The following RNF150 variants were observed in gnomAD, a reference collection of about 807,000 sequenced individuals.
RNF150 encodes the protein ring finger protein 150.
In RNF150, 24 loss-of-function variants were observed where a neutral mutation model predicts 39.3. The ratio of observed to expected loss-of-function variants is 0.61; its 90% CI spans 0.44 to 0.86. The LOEUF (loss-of-function observed/expected upper bound fraction) is 0.86, where lower values mean the gene tolerates loss of function less well. Among genes scored for constraint, RNF150 ranks in the 40% least tolerant of loss-of-function variants. The pLI, the probability that RNF150 is intolerant of heterozygous loss-of-function variation, is 0.00. For missense variants in RNF150, 502 were observed against 587.8 expected (o/e 0.85, Z 1.51); for synonymous variants, 255 against 227.3 (o/e 1.12, Z -1.10).
chr4:140,895,021 G>C (rs1729888960), intron 6 of RNF150, among the ~76,000 whole-genome samples: 2 of 152,070 alleles, frequency 1.3e-5, no homozygotes, highest in Non-Finnish European at 2.9e-5. Context: ...CTGCAAGCCT[G>C]GCAAAAAGAA....
chr4:141,008,849 CCTTCTT>C (rs139240206), intron 1 of RNF150, among the ~76,000 whole-genome samples: 1 of 151,880 alleles, frequency 6.6e-6, no homozygotes, highest in African/African-American at 2.4e-5. Context: ...TCTTCCTTCT[CCTTCTT>C]CTTCTTCTTC....
chr4:141,124,211 T>C (rs1252945600), intron 1 of RNF150, among the ~76,000 whole-genome samples: 1 of 152,244 alleles, frequency 6.6e-6, no homozygotes, highest in Non-Finnish European at 1.5e-5. Flanking sequence ...TGTCAGTAAA[T>C]TATTCTTACT....
chr4:140,914,909 T>C (rs1300767534), intron 5 of RNF150, among the ~76,000 whole-genome samples: 1 of 152,208 alleles, frequency 6.6e-6, no homozygotes, highest in African/African-American at 2.4e-5. Flanking sequence ...GATGTATTTG[T>C]CTTATACCAT....
At chr4:141,045,836 G>A (rs1047549863) in intron 1 of RNF150, among the ~76,000 whole-genome samples, 23 of 152,172 alleles carry the variant, frequency 1.5e-4, no homozygotes, top group African/African-American at 5.1e-4. Flanking sequence ...GAGCCACAGC[G>A]CCTGGCCTAG....
chr4:141,153,121 A>G (rs1727328239), intron 1 of RNF150, among the ~76,000 whole-genome samples: 1 of 152,142 alleles, frequency 6.6e-6, no homozygotes, highest in African/African-American at 2.4e-5. Context: ...AATTCTTTCA[A>G]GTGCTGGGAG....
intron 1 of RNF150, among the ~76,000 whole-genome samples, chr4:141,076,755 T>C (rs1332382412): frequency 6.6e-6 from 1 of 152,104 alleles, no homozygotes; most frequent in Non-Finnish European, 1.5e-5. Flanking sequence ...GCCTATACAA[T>C]GCAAATATTA....
chr4:141,166,972 G>C (rs546967070), intron 1 of RNF150, among the ~76,000 whole-genome samples: 1 of 152,006 alleles, frequency 6.6e-6, no homozygotes, highest in South Asian at 2.1e-4. Flanking sequence ...AGAAACAAAG[G>C]GTATTCAAAT....
intron 1 of RNF150, among the ~76,000 whole-genome samples, chr4:141,078,789 C>CAAAAAA (rs150748282): frequency 1.3e-4 from 8 of 63,858 alleles, no homozygotes; most frequent in African/African-American, 4.0e-4. Flanking sequence ...AACTCCGTCT[C>CAAAAAA]AAAAAAAAAA....
chr4:141,120,153 T>A (rs1367420487), intron 1 of RNF150, among the ~76,000 whole-genome samples: 1 of 152,200 alleles, frequency 6.6e-6, no homozygotes, highest in Non-Finnish European at 1.5e-5. Context: ...TATTCCCATG[T>A]GGGAGACAGA....
chr4:140,895,302 G>A (rs1383129835), intron 6 of RNF150, among the ~76,000 whole-genome samples: 1 of 152,090 alleles, frequency 6.6e-6, no homozygotes, highest in East Asian at 1.9e-4. Flanking sequence ...TTCTCTAAGG[G>A]GAAGCTGAAT....
intron 1 of RNF150, among the ~76,000 whole-genome samples, chr4:141,164,671 A>C (rs918698354): frequency 2.6e-5 from 4 of 152,208 alleles, no homozygotes; most frequent in Non-Finnish European, 5.9e-5. Context: ...TAAGAAAAGA[A>C]TTTTAAACCC....
intron 5 of RNF150, among the ~76,000 whole-genome samples, chr4:140,916,951 A>G (rs1159152723): frequency 6.6e-6 from 1 of 152,188 alleles, no homozygotes; most frequent in Non-Finnish European, 1.5e-5. Flanking sequence ...TAAGCTTCAT[A>G]AGTGAAGGAG....
At chr4:141,172,763 G>A (rs1727750665) in intron 1 of RNF150, among the ~76,000 whole-genome samples, 1 of 152,152 alleles carries the variant, frequency 6.6e-6, no homozygotes, top group African/African-American at 2.4e-5. Flanking sequence ...TGTGGCTCAT[G>A]CCTGTAATCC....
intron 6 of RNF150, among the ~76,000 whole-genome samples, chr4:140,886,190 CAA>C (rs1171164182): frequency 2.7e-5 from 2 of 73,360 alleles, no homozygotes; most frequent in Non-Finnish European, 2.6e-5. Context: ...GACTCCATCA[CAA>C]AAAAAAAAAA....
At chr4:140,900,827 T>TAC (rs1730163394) in intron 6 of RNF150, among the ~76,000 whole-genome samples, 1 of 152,072 alleles carries the variant, frequency 6.6e-6, no homozygotes, top group African/African-American at 2.4e-5. Context: ...ACTTTATATA[T>TAC]ATATATATAC....
intron 1 of RNF150, among the ~76,000 whole-genome samples, chr4:141,127,466 G>A (rs1050223440): frequency 2.0e-5 from 3 of 152,152 alleles, no homozygotes; most frequent in Non-Finnish European, 4.4e-5. Flanking sequence ...AATTAAAGCA[G>A]CTAGGTCCTT....
intron 1 of RNF150, among the ~76,000 whole-genome samples, chr4:141,023,647 C>T (rs1735583949): frequency 6.6e-6 from 1 of 152,090 alleles, no homozygotes; most frequent in Non-Finnish European, 1.5e-5. Context: ...TTTACATTCT[C>T]TTTTTATACT....
chr4:141,116,437 G>A (rs1402851654), intron 1 of RNF150, among the ~76,000 whole-genome samples: 2 of 152,194 alleles, frequency 1.3e-5, no homozygotes, highest in Non-Finnish European at 2.9e-5. Flanking sequence ...AAACCACGAT[G>A]AGATACCATC....
intron 6 of RNF150, among the ~76,000 whole-genome samples, chr4:140,884,141 T>G (rs991473618): frequency 6.6e-6 from 1 of 152,194 alleles, no homozygotes; most frequent in African/African-American, 2.4e-5. Flanking sequence ...TTCTTCTTCA[T>G]AGTTTTTCTT....
Sources: gnomAD v4.1 joint callset for allele counts (sites outside exome capture counted in the v4.1 genomes callset) on GRCh38, gnomAD v4.1.1 for gene constraint, MANE v1.5 for transcripts, NCBI Gene and HGNC (gene_info 2026-07-23, HGNC 2026-07-21) for gene names.